PLIN1: variants seen among roughly 807,000 people sequenced by gnomAD.
PLIN1 encodes the protein perilipin-1.
PLIN1 carries 37 observed loss-of-function variants against 45.8 expected under a neutral mutation model. The ratio of observed to expected loss-of-function variants is 0.81; its 90% confidence interval spans 0.62 to 1.06. The LOEUF is 1.06. Ranked by LOEUF, PLIN1 falls within the 50% of genes least tolerant of loss-of-function variation. The pLI, the probability that PLIN1 is intolerant of heterozygous loss-of-function variation, is 0.00. For synonymous variants in PLIN1, 340 were observed against 309.2 expected (o/e 1.10, Z -1.05); for missense variants, 776 against 716.5 (o/e 1.08, Z -0.95).
At chr15:89,667,488 A>T (rs1008080971) in intron 7 of PLIN1, 114 bp downstream of exon 7, 44 of 1,507,036 alleles carry the variant, frequency 2.9e-5, no homozygotes, top group Middle Eastern at 1.7e-4. Context: ...AGGGTGTTGC[A>T]CGCACATGCC....
In PLIN1 at chr15:89,673,377, G is replaced by T. The variant is rs777510691; in HGVS notation, c.83C>A (p.Pro28Gln). Reference sequence around the variant, plus strand: ...GCATTCGCAGGTGCCACTCACCACCGGCAGCTGCAGGACCCGCTGCAGCAC... The same window carrying T: ...GCATTCGCAGGTGCCACTCACCACCTGCAGCTGCAGGACCCGCTGCAGCAC... ...ENVLQRVLQL[P>Q]VVSGTCECFQ... The change falls in exon 3 of 9, where the codon CCG becomes CAG. Residue 28 changes from proline (P) to glutamine (Q), a missense_variant. Physicochemically the swap from Pro to Gln is moderately conservative, Grantham distance 76. Coordinates refer to ENST00000300055, the MANE Select transcript of PLIN1 (RefSeq NM_002666.5). The T allele has an allele frequency of 6.2e-7, 1 of 1,604,234 alleles. No individual in the cohort carries two copies. Among genetic ancestry groups the T allele is most frequent in the African/African-American group, 1.3e-5 (1 of 74,884 alleles).
intron 1 of PLIN1, 127 bp from the exon 2 acceptor site, chr15:89,677,630 G>A (rs1964538896): frequency 1.3e-6 from 1 of 799,246 alleles, no homozygotes; most frequent in South Asian, 1.3e-5. Flanking sequence ...CTGAACAGAA[G>A]GCATTAGGTT....
At chr15:89,676,558 T>A (rs1743617756) in intron 2 of PLIN1, 1 of 152,246 alleles carries the variant, frequency 6.6e-6, no homozygotes, top group Non-Finnish European at 1.5e-5. Context: ...ATATCTTAGT[T>A]TTTTATCCTG....
chr15:89,672,483 G>C (rs1042863319), intron 3 of PLIN1, among the ~76,000 whole-genome samples: 1 of 152,246 alleles, frequency 6.6e-6, no homozygotes, highest in Non-Finnish European at 1.5e-5. Flanking sequence ...GCCAGGGACA[G>C]GGCCTGGGCC....
At chr15:89,668,711 A>C (rs1245571704) in intron 6 of PLIN1, among the ~76,000 whole-genome samples, 1 of 152,070 alleles carries the variant, frequency 6.6e-6, no homozygotes, top group Non-Finnish European at 1.5e-5. Context: ...CAGGCATGTG[A>C]CTCAGTCTCA....
Position 89,667,603 on chromosome 15 carries a change from T to C in PLIN1, c.962A>G (p.Glu321Gly). The C allele has an allele frequency of 6.2e-7, 1 of 1,614,136 alleles. No homozygotes were observed. Among genetic ancestry groups the C allele is most frequent in the African/African-American group, 1.3e-5 (1 of 75,058 alleles). Residue 321 changes from glutamate to glycine, a missense_variant and splice_region_variant, in exon 7 of 9, where the codon GAG becomes GGG. By Grantham distance (98) the Glu-to-Gly change is moderately conservative. Transcript: ENST00000300055. The part of the protein sequence containing the change: ...ELETEENKFS[E>G]VAALPGPRGL... ...TGAGGCTCCCACTCTCCCCCTCACCTCACTGAACTTGTTCTCCTCAGTCTC... is the reference window on the plus strand; with the variant it reads ...TGAGGCTCCCACTCTCCCCCTCACCCCACTGAACTTGTTCTCCTCAGTCTC...
At chr15:89,677,300 C>A (rs778687228) in intron 2 of PLIN1, 145 bp downstream of exon 2, 23 of 783,398 alleles carry the variant, frequency 2.9e-5, no homozygotes, top group Non-Finnish European at 4.8e-5. Context: ...GTGGTGAGGG[C>A]AAGAATAACT....
intron 4 of PLIN1, among the ~76,000 whole-genome samples, chr15:89,671,010 G>A (rs1201650588): frequency 1.3e-5 from 2 of 152,140 alleles, no homozygotes; most frequent in African/African-American, 2.4e-5. Flanking sequence ...CCAAAAATGA[G>A]TCCTTATCAT....
Position 89,665,312 on chromosome 15 carries a change from CTTATAGT to C in PLIN1, c.*264_*270del. 3.2e-6 allele frequency: 1 copy of C among 315,642 alleles called. No individual in the cohort carries two copies. The highest frequency in any genetic ancestry group is 5.8e-6 in the Non-Finnish European group (1 of 172,506). The allele number at this position is 315,642 out of a possible 1,614,324, so 19.6% of individuals were successfully genotyped here. ...TGAAAAATCAAGTTAGGCAATTACTCTTATAGTAACAACCAAGCCATAGAATCAGAGC... is the reference window on the plus strand; with the variant it reads ...TGAAAAATCAAGTTAGGCAATTACTCAACAACCAAGCCATAGAATCAGAGC... On this transcript the variant is annotated 3_prime_UTR_variant, in exon 9 of 9. Transcript: ENST00000300055.
intron 2 of PLIN1, among the ~76,000 whole-genome samples, chr15:89,674,997 T>A (rs1436295314): frequency 6.6e-6 from 1 of 152,098 alleles, no homozygotes; most frequent in Non-Finnish European, 1.5e-5. Flanking sequence ...GTGCCTGTGG[T>A]CCCGGCTACT....
rs1239377891 is a variant in PLIN1 at position 89,670,199 on chromosome 15, C to T, written c.379G>A (p.Ala127Thr). The T allele has an allele frequency of 3.7e-6, 6 of 1,613,740 alleles. No homozygotes were observed. The highest frequency in any genetic ancestry group is 2.2e-5 in the South Asian group (2 of 90,938). The change falls in exon 5 of 9, where the codon GCC becomes ACC. Residue 127 changes from alanine (A) to threonine (T), a missense_variant. Coordinates refer to ENST00000300055, the MANE Select transcript of PLIN1 (RefSeq NM_002666.5). The part of the protein sequence containing the change: ...KDTISTRLRS[A>T]RNSISVPIAS... Reference sequence around the variant, plus strand: ...ATGGGAACGCTGATGCTGTTTCTGGCACTGCGGAGGCGGGTGGAGATGGTG... The same window carrying T: ...ATGGGAACGCTGATGCTGTTTCTGGTACTGCGGAGGCGGGTGGAGATGGTG...
chr15:89,671,767 G>A, intron 3 of PLIN1, among the ~76,000 whole-genome samples: 1 of 152,186 alleles, frequency 6.6e-6, no homozygotes, highest in East Asian at 1.9e-4. Flanking sequence ...TCTTCTGTCT[G>A]TGTGGGAACT....
chr15:89,669,993 G>A lies in PLIN1; in HGVS notation c.585C>T (p.Asp195=). Residue 195 remains aspartate (D), a synonymous_variant, in exon 5 of 9, where the codon GAC becomes GAT. Transcript: ENST00000300055. ...AATGGCAGGTACCTGACTCTTCCTT[G>A]TCTGGAGGGAGGAGGTACTCCACCA... is the stretch of plus-strand genomic sequence containing the variant. ...EKVVEYLLPP[D]KEESAPAPGH... is the part of the protein sequence containing the mutation. 1 of 1,611,866 alleles carries A rather than the reference G, an allele frequency of 6.2e-7. No homozygotes were observed. Among genetic ancestry groups the A allele is most frequent in the Non-Finnish European group, 8.5e-7 (1 of 1,179,504 alleles).
chr15:89,665,955 C>T lies in PLIN1; in HGVS notation c.1210-13G>A. 1 of 1,483,010 alleles carries T rather than the reference C, an allele frequency of 6.7e-7. No homozygotes were observed. The allele number at this position is 1,483,010 out of a possible 1,614,324, so 91.9% of individuals were successfully genotyped here. A position where few individuals can be genotyped will look rare whatever the true frequency, so the allele number is the denominator to read the frequency against. On this transcript the variant is annotated splice_polypyrimidine_tract_variant and intron_variant, in intron 8 of 8. Transcript: ENST00000300055. ...ACAGCCTGGGGAGCTGAGGGCCCGG[C>T]AGCCGCCTTAGAGTCCTGGCTTGGC... is the stretch of plus-strand genomic sequence containing the variant.
At chr15:89,679,132 T>A (rs1964561889) in intron 1 of PLIN1, 119 bp downstream of exon 1, 1 of 152,158 alleles carries the variant, frequency 6.6e-6, no homozygotes, top group East Asian at 1.9e-4. Context: ...AAAGGCATGA[T>A]CCACTGTGCC....
At chr15:89,666,587 C>A in intron 8 of PLIN1, among the ~76,000 whole-genome samples, 1 of 152,184 alleles carries the variant, frequency 6.6e-6, no homozygotes, top group South Asian at 2.1e-4. Flanking sequence ...CCTCTCCAAC[C>A]CCTTCCCAGG....
chr15:89,677,051 C>T (rs1964529925), intron 2 of PLIN1: 3 of 285,738 alleles, frequency 1.0e-5, no homozygotes, highest in Non-Finnish European at 2.1e-5. Context: ...CGACAGGTGA[C>T]ATTTGCCGTT....
At chr15:89,666,586 C>A (rs533690281) in intron 8 of PLIN1, among the ~76,000 whole-genome samples, 2 of 152,196 alleles carry the variant, frequency 1.3e-5, no homozygotes, top group African/African-American at 4.8e-5. Context: ...GCCTCTCCAA[C>A]CCCTTCCCAG....
intron 2 of PLIN1, among the ~76,000 whole-genome samples, chr15:89,675,936 C>T (rs1001596512): frequency 3.3e-5 from 5 of 151,998 alleles, no homozygotes; most frequent in South Asian, 4.2e-4. Flanking sequence ...GAGGACGAGG[C>T]GGGATTGGCC....
Sources: gnomAD v4.1 joint callset for allele counts (sites outside exome capture counted in the v4.1 genomes callset) on GRCh38, gnomAD v4.1.1 for gene constraint, MANE v1.5 for transcripts, NCBI Gene and HGNC (gene_info 2026-07-23, HGNC 2026-07-21) for gene names.